Variants in DPP6 observed in about 807,000 individuals in gnomAD.
DPP6 encodes A-type potassium channel modulatory protein DPP6.
A neutral mutation model predicts 122.6 loss-of-function variants in DPP6; 69 were observed. The observed-to-expected ratio is 0.56, with a 90% CI of 0.46 to 0.69. DPP6 has a LOEUF of 0.69. DPP6 is among the 30% of genes least tolerant of loss of function. The pLI, the probability that DPP6 is intolerant of heterozygous loss-of-function variation, is 0.00. For synonymous variants in DPP6, 418 were observed against 433.1 expected, an observed-to-expected ratio of 0.97 and a Z score of 0.43; for missense variants, 928 against 1,116.9, an observed-to-expected ratio of 0.83 and a Z score of 2.41.
At chr7:153,794,701 GTCCCCACCCAAATC>G in the DPP6 span, among the ~76,000 whole-genome samples, 3 of 152,110 alleles carry the variant, frequency 2.0e-5, no homozygotes, top group African/African-American at 7.2e-5. Flanking sequence ...GTTCGGCTCT[GTCCCCACCCAAATC>G]TCAACTTGAA....
chr7:154,292,332 C>G (rs745931667), intron 1 of DPP6, among the ~76,000 whole-genome samples: 2 of 152,218 alleles, frequency 1.3e-5, no homozygotes, highest in Non-Finnish European at 2.9e-5. Flanking sequence ...GAGAACTCAT[C>G]AATCCTCTTG....
chr7:154,163,935 G>A (rs1301070816), intron 1 of DPP6, among the ~76,000 whole-genome samples: 3 of 152,060 alleles, frequency 2.0e-5, no homozygotes, highest in Non-Finnish European at 4.4e-5. Context: ...TTCAGCTCAG[G>A]CCCGCTCTCT....
At chr7:154,619,430 TG>T (rs1834491208) in intron 5 of DPP6, among the ~76,000 whole-genome samples, 1 of 152,164 alleles carries the variant, frequency 6.6e-6, no homozygotes, top group Non-Finnish European at 1.5e-5. Flanking sequence ...AATGGAAAAT[TG>T]TGATAATGAA....
the DPP6 span, among the ~76,000 whole-genome samples, chr7:153,822,338 C>T: frequency 4.6e-5 from 7 of 151,840 alleles, no homozygotes; most frequent in African/African-American, 9.7e-5. Context: ...TACAGGCGCA[C>T]GCCACCACGC....
At chr7:154,879,300 G>A (rs1805147903) in intron 20 of DPP6, among the ~76,000 whole-genome samples, 1 of 137,248 alleles carries the variant, frequency 7.3e-6, no homozygotes, top group Non-Finnish European at 1.5e-5. Context: ...ACAAAAATCG[G>A]CCGGGCGCGG....
At chr7:154,845,090 C>G (rs139493738) in intron 16 of DPP6, among the ~76,000 whole-genome samples, 1 of 152,178 alleles carries the variant, frequency 6.6e-6, no homozygotes, top group Non-Finnish European at 1.5e-5. Context: ...AATTTGCCAC[C>G]TTGATATGTC....
At chr7:154,621,440 C>G (rs1056967202) in intron 5 of DPP6, among the ~76,000 whole-genome samples, 2 of 152,230 alleles carry the variant, frequency 1.3e-5, no homozygotes, top group African/African-American at 4.8e-5. Context: ...GCAATCTCAG[C>G]TCACTGCAAC....
intron 1 of DPP6, among the ~76,000 whole-genome samples, chr7:154,197,315 G>A (rs2150777653): frequency 6.6e-6 from 1 of 152,078 alleles, no homozygotes; most frequent in South Asian, 2.1e-4. Context: ...CCAGACTCTA[G>A]CTTCCTTGTG....
intron 6 of DPP6, among the ~76,000 whole-genome samples, chr7:154,652,064 G>C (rs116391247): frequency 4.9e-4 from 75 of 152,312 alleles, no homozygotes; most frequent in African/African-American, 1.8e-3. Flanking sequence ...GAGATGGCAT[G>C]ATCAGGATAC....
At position 154,655,570 on chromosome 7, in the gene DPP6, C is replaced by A. The variant is rs559302996; in HGVS notation, c.681-13790C>A. ...CATAGCCCCAAAGTAAATCACTGTACACCTTCCTGCATTCTCTTTCTCTCT... is the reference window on the plus strand; with the variant it reads ...CATAGCCCCAAAGTAAATCACTGTAAACCTTCCTGCATTCTCTTTCTCTCT... On this transcript the variant is annotated intron_variant, in intron 6 of 25. Transcript: ENST00000377770. Among the ~76,000 whole-genome samples, 5 of 152,308 alleles carry A rather than the reference C, an allele frequency of 3.3e-5. No individual in the cohort carries two copies. In the East Asian group the frequency reaches 9.6e-4, roughly 29 times the overall value.
chr7:154,557,130 C>T (rs1027977620), intron 4 of DPP6, among the ~76,000 whole-genome samples: 23 of 152,164 alleles, frequency 1.5e-4, no homozygotes, highest in African/African-American at 5.5e-4. Context: ...AGGGAGAACT[C>T]ATCTGTAGCA....
the DPP6 span, among the ~76,000 whole-genome samples, chr7:153,847,155 TTA>T: frequency 6.6e-6 from 1 of 152,200 alleles, no homozygotes; most frequent in African/African-American, 2.4e-5. Flanking sequence ...AGAATTTCCA[TTA>T]GTTTGTTTTT....
chr7:154,648,953 C>T (rs986917921), intron 6 of DPP6, among the ~76,000 whole-genome samples: 7 of 151,700 alleles, frequency 4.6e-5, no homozygotes, highest in South Asian at 2.1e-4. Context: ...TTAAAGGCAT[C>T]GTTTAGTAAG....
intron 7 of DPP6, among the ~76,000 whole-genome samples, chr7:154,725,187 A>G (rs1480332484): frequency 6.6e-6 from 1 of 152,140 alleles, no homozygotes; most frequent in Non-Finnish European, 1.5e-5. Context: ...TTGTTAATGA[A>G]TGTTGTTGAA....
chr7:153,887,592 T>A, exon 1 of DPP6: 1 of 1,495,740 alleles, frequency 6.7e-7, no homozygotes, highest in Non-Finnish European at 9.2e-7. Context: ...CCATCCAGTC[T>A]TCAGCCAGTC....
chr7:154,073,995 A>ATATG (rs1357946997), intron 1 of DPP6, among the ~76,000 whole-genome samples: 34 of 148,966 alleles, frequency 2.3e-4, no homozygotes, highest in East Asian at 3.9e-4. Context: ...TCTAAAATAT[A>ATATG]TATCTATGTA....
the DPP6 span, among the ~76,000 whole-genome samples, chr7:153,865,084 T>C: frequency 6.6e-6 from 1 of 152,228 alleles, no homozygotes; most frequent in African/African-American, 2.4e-5. Flanking sequence ...GAATCAACTA[T>C]GAAAAACTTA....
At chr7:154,394,677 C>A (rs758009140) in intron 1 of DPP6, among the ~76,000 whole-genome samples, 9 of 152,224 alleles carry the variant, frequency 5.9e-5, no homozygotes, top group Admixed American at 2.0e-4. Flanking sequence ...AACCAAATGT[C>A]ATGAAGTTTT....
At chr7:154,298,268 C>CCACACACACACACACACACACACACA (rs773227930) in intron 1 of DPP6, among the ~76,000 whole-genome samples, 41 of 150,452 alleles carry the variant, frequency 2.7e-4, no homozygotes, top group Middle Eastern at 3.4e-3. Context: ...CTCTCTCTCT[C>CCACACACACACACACACACACACACA]CACACACACA....
Sources: gnomAD v4.1 joint callset for allele counts (sites outside exome capture counted in the v4.1 genomes callset) on GRCh38, gnomAD v4.1.1 for gene constraint, MANE v1.5 for transcripts, NCBI Gene and HGNC (gene_info 2026-07-23, HGNC 2026-07-21) for gene names.